The following DHX34 variants were observed in gnomAD, a reference collection of about 807,000 sequenced individuals.
The protein encoded by DHX34 is probable ATP-dependent RNA helicase DHX34.
DHX34 carries 96 observed loss-of-function variants against 111.1 expected under a neutral mutation model. That is an observed-to-expected ratio of 0.86 (90% CI 0.73 to 1.02). The LOEUF (loss-of-function observed/expected upper bound fraction) is 1.02. Among genes scored for constraint, DHX34 ranks in the 50% least tolerant of loss-of-function variants. The pLI, the probability that DHX34 is intolerant of heterozygous loss-of-function variation, is 0.00. For synonymous variants in DHX34, 688 were observed against 670.4 expected (o/e 1.03, Z -0.41); for missense variants, 1,560 against 1,579.9 (o/e 0.99, Z 0.21).
At chr19:47,380,585 A>G (rs59202646) in intron 14 of DHX34, 123,686 of 974,790 alleles carry the variant, frequency 0.13, 12,367 homozygotes, top group African/African-American at 0.46. Flanking sequence ...CACCAGTGAC[A>G]GGGGCAGAAG....
rs1403233873 is a variant in DHX34 at position 47,382,509 on chromosome 19, T to C, written c.*396T>C. 2 of 179,736 alleles carry C rather than the reference T, an allele frequency of 1.1e-5. No individual in the cohort carries two copies. The highest frequency in any genetic ancestry group is 4.8e-5 in the African/African-American group (2 of 42,030). 11.1% of individuals were successfully genotyped at this position (179,736 alleles called of 1,614,324 possible). A position where few individuals can be genotyped will look rare whatever the true frequency, so the allele number is the denominator to read the frequency against. ...TCCATCCTCAGTCTCTCCTACCCCT[T>C]GAAGTAGGGGGACCCTGAATTTGCC... On this transcript the variant is annotated 3_prime_UTR_variant, in exon 17 of 17. Transcript: ENST00000328771.
intron 13 of DHX34, among the ~76,000 whole-genome samples, chr19:47,378,521 T>G (rs10403927): frequency 0.12 from 18,662 of 152,128 alleles, 1,283 homozygotes; most frequent in Middle Eastern, 0.19. Flanking sequence ...CCTGAGGCGC[T>G]CTCTCCCTGC....
intron 12 of DHX34, 118 bp downstream of exon 12, chr19:47,376,678 G>T (rs1261334073): frequency 6.8e-7 from 1 of 1,467,644 alleles, no homozygotes; most frequent in African/African-American, 1.4e-5. Context: ...TATTGACGGG[G>T]GCCCACAGGA....
At chr19:47,361,896 G>A (rs1969642362) in intron 5 of DHX34, among the ~76,000 whole-genome samples, 2 of 152,340 alleles carry the variant, frequency 1.3e-5, no homozygotes, top group South Asian at 4.1e-4. Context: ...CTAGTGCCTA[G>A]TGCAGTGCCT....
At chr19:47,374,847 C>T (rs1279103456) in intron 9 of DHX34, among the ~76,000 whole-genome samples, 1 of 152,214 alleles carries the variant, frequency 6.6e-6, no homozygotes, top group East Asian at 1.9e-4. Flanking sequence ...CATACAGACA[C>T]ACATGCACGC....
chr19:47,375,562 C>G lies in DHX34; in HGVS notation c.2161C>G (p.Leu721Val). 1 of 1,548,204 alleles carries G rather than the reference C, an allele frequency of 6.5e-7. No homozygotes were observed. The highest frequency in any genetic ancestry group is 8.7e-7 in the Non-Finnish European group (1 of 1,151,306). The change falls in exon 10 of 17, where the codon CTG (leucine) becomes GTG (valine). Residue 721 changes from leucine (L) to valine (V), a missense_variant. Leu to Val is a conservative substitution (Grantham distance 32). Coordinates refer to ENST00000328771, the MANE Select transcript of DHX34 (RefSeq NM_014681.6). ...RLQQRRERRA[L>V]HQLKRQHEEG... is the part of the protein sequence containing the mutation. ...GCAGCAGCGCCGGGAGCGCCGGGCCCTGCACCAGCTGAAACGCCAGCACGA... is the reference window on the plus strand; with the variant it reads ...GCAGCAGCGCCGGGAGCGCCGGGCCGTGCACCAGCTGAAACGCCAGCACGA...
At position 47,376,509 on chromosome 19, in the gene DHX34, G is replaced by A. The variant is rs137983157; in HGVS notation, c.2548G>A (p.Glu850Lys). Reference sequence around the variant, plus strand: ...CACCTGCGTCTTCGCTGGCAGCCCCGAGGTGCTGCACGCACAGGAGCTGGA... The same window carrying A: ...CACCTGCGTCTTCGCTGGCAGCCCCAAGGTGCTGCACGCACAGGAGCTGGA... Reference protein sequence around the residue: ...HPTCVFAGSPEVLHAQELEAS... With the variant: ...HPTCVFAGSPKVLHAQELEAS... Residue 850 changes from glutamate to lysine, a missense_variant, in exon 12 of 17, where the codon GAG (glutamate) becomes AAG (lysine). Glu to Lys is a moderately conservative substitution (Grantham distance 56). Transcript: ENST00000328771. 1,602 of 1,597,658 alleles carry A rather than the reference G, an allele frequency of 1.0e-3. 21 individuals carry two copies. The highest frequency in any genetic ancestry group is 1.8e-4 in the Middle Eastern group (1 of 5,700).
intron 7 of DHX34, among the ~76,000 whole-genome samples, chr19:47,369,633 C>T (rs1969906292): frequency 1.3e-5 from 2 of 152,158 alleles, no homozygotes; most frequent in Non-Finnish European, 2.9e-5. Context: ...GGATGCAGGG[C>T]ACGGTGGGCA....
intron 7 of DHX34, among the ~76,000 whole-genome samples, chr19:47,368,814 A>G (rs902283130): frequency 3.3e-5 from 5 of 151,874 alleles, no homozygotes; most frequent in African/African-American, 9.7e-5. Flanking sequence ...CCTGGATTCA[A>G]GCAATTCTCC....
At chr19:47,373,970 C>T (rs1970052935) in intron 9 of DHX34, among the ~76,000 whole-genome samples, 1 of 152,264 alleles carries the variant, frequency 6.6e-6, no homozygotes, top group South Asian at 2.1e-4. Flanking sequence ...GGATGCTGAG[C>T]TGGCTGCATG....
intron 12 of DHX34, chr19:47,376,818 AG>A: frequency 2.0e-6 from 3 of 1,524,160 alleles, no homozygotes; most frequent in Non-Finnish European, 2.6e-6. Context: ...AGCACCGGTC[AG>A]GGGGCCTGTC....
chr19:47,353,836 T>G lies in DHX34; in HGVS notation c.705+101T>G. 2.6e-6 allele frequency: 3 copies of G among 1,137,272 alleles called. No individual in the cohort carries two copies. The highest frequency in any genetic ancestry group is 3.6e-6 in the Non-Finnish European group (3 of 828,692). The allele number at this position is 1,137,272 out of a possible 1,614,324, so 70.4% of individuals were successfully genotyped here. On this transcript the variant is annotated intron_variant, in intron 2 of 16. Coordinates refer to ENST00000328771, the MANE Select transcript of DHX34 (RefSeq NM_014681.6). The surrounding 1 kb of genome is among the most constrained non-coding windows in gnomAD (Gnocchi z 4.6). ...ATCAATAAAAATGAAGCACTTACCC[T>G]TGGACCCAGCGATGATTCTTCTAGA...
intron 7 of DHX34, chr19:47,372,498 C>T (rs1185780576): frequency 5.0e-6 from 3 of 602,194 alleles, no homozygotes; most frequent in African/African-American, 2.0e-5. Context: ...GAGGCAGGGA[C>T]TGGCCATCTC....
At chr19:47,349,865 G>C (rs1484831858) in intron 1 of DHX34, among the ~76,000 whole-genome samples, 1 of 152,152 alleles carries the variant, frequency 6.6e-6, no homozygotes, top group Non-Finnish European at 1.5e-5. Context: ...AGTTGAAATA[G>C]GAAGAACCCC....
chr19:47,377,611 G>A (rs1033087227), intron 13 of DHX34, among the ~76,000 whole-genome samples: 1 of 139,292 alleles, frequency 7.2e-6, no homozygotes, highest in African/African-American at 2.9e-5. Context: ...AAAGAGGAGA[G>A]CGTGTGGATC....
chr19:47,351,179 T>C (rs899049041), intron 1 of DHX34, among the ~76,000 whole-genome samples: 50 of 114,644 alleles, frequency 4.4e-4, no homozygotes, highest in East Asian at 1.3e-3. Flanking sequence ...TTCTTTTTTT[T>C]TTTTTTTTTT....
chr19:47,378,999 C>T (rs1287763200), intron 13 of DHX34, among the ~76,000 whole-genome samples: 2 of 133,450 alleles, frequency 1.5e-5, no homozygotes, highest in African/African-American at 2.9e-5. Context: ...GTGGGTGGCG[C>T]GTGCCTGTAA....
intron 7 of DHX34, among the ~76,000 whole-genome samples, chr19:47,371,955 C>T (rs1028092314): frequency 2.6e-5 from 4 of 151,482 alleles, no homozygotes; most frequent in African/African-American, 4.8e-5. Context: ...GGCAAGGGAG[C>T]CCCCAGAAGT....
intron 7 of DHX34, among the ~76,000 whole-genome samples, chr19:47,368,552 C>T (rs1234587360): frequency 8.0e-5 from 12 of 150,490 alleles, no homozygotes; most frequent in African/African-American, 2.4e-4. Flanking sequence ...GTGATCTGCC[C>T]GCCTTGACCT....
Sources: allele counts gnomAD v4.1 joint callset (sites outside exome capture counted in the v4.1 genomes callset), GRCh38; gene constraint gnomAD v4.1.1; non-coding constraint Gnocchi (gnomAD v3.1); transcripts MANE v1.5; gene names NCBI Gene and HGNC (gene_info 2026-07-23, HGNC 2026-07-21).